Variants in PHF14 observed in about 807,000 individuals in gnomAD.
PHF14 encodes PHD finger protein 14.
A neutral mutation model predicts 117.9 loss-of-function variants in PHF14; 55 were observed. The ratio of observed to expected loss-of-function variants is 0.47; its 90% CI spans 0.38 to 0.58. PHF14 has a LOEUF of 0.58. Among genes scored for constraint, PHF14 ranks in the 20% least tolerant of loss-of-function variants. The pLI is 0.00. For missense variants in PHF14, 978 were observed against 1,122.2 expected (o/e 0.87, Z 1.84); for synonymous variants, 409 against 368.6 (o/e 1.11, Z -1.26).
At chr7:11,158,904 A>G (rs978983517) in intron 17 of PHF14, among the ~76,000 whole-genome samples, 8 of 152,236 alleles carry the variant, frequency 5.3e-5, no homozygotes, top group South Asian at 2.1e-4. Flanking sequence ...AACAGTTTCT[A>G]AATTACCTAA....
intron 4 of PHF14, among the ~76,000 whole-genome samples, chr7:10,994,668 C>T (rs559861684): frequency 2.0e-5 from 3 of 152,120 alleles, no homozygotes; most frequent in Non-Finnish European, 2.9e-5. Flanking sequence ...TGGATCCTCG[C>T]GGTGAGTGTT....
chr7:11,054,069 A>G (rs1054914321), intron 14 of PHF14, among the ~76,000 whole-genome samples: 2 of 151,922 alleles, frequency 1.3e-5, no homozygotes, highest in African/African-American at 2.4e-5. Context: ...ACTTTTATCT[A>G]TTCTTTTTCT....
chr7:11,072,059 A>T (rs532108617), intron 16 of PHF14, among the ~76,000 whole-genome samples: 2 of 152,334 alleles, frequency 1.3e-5, no homozygotes, highest in South Asian at 2.1e-4. Context: ...GCATAGCTGT[A>T]AAGAAATACC....
chr7:11,050,470 C>T (rs541665561), intron 13 of PHF14, among the ~76,000 whole-genome samples: 1 of 152,062 alleles, frequency 6.6e-6, no homozygotes, highest in Non-Finnish European at 1.5e-5. Flanking sequence ...TTATGATTGA[C>T]AATATAAAGA....
intron 16 of PHF14, among the ~76,000 whole-genome samples, chr7:11,110,752 AAG>A (rs1787416797): frequency 6.6e-6 from 1 of 151,890 alleles, no homozygotes; most frequent in Non-Finnish European, 1.5e-5. Flanking sequence ...TTAACATGTA[AAG>A]GTTATTTTTA....
chr7:11,050,005 A>G (rs906673983), intron 13 of PHF14, among the ~76,000 whole-genome samples: 1 of 152,176 alleles, frequency 6.6e-6, no homozygotes, highest in South Asian at 2.1e-4. Flanking sequence ...AGTTTTGCTA[A>G]CCTATTCTTA....
At chr7:11,150,139 G>C (rs1215661703) in intron 17 of PHF14, among the ~76,000 whole-genome samples, 1 of 152,120 alleles carries the variant, frequency 6.6e-6, no homozygotes, top group Admixed American at 6.6e-5. Flanking sequence ...ATGCCAGGGA[G>C]TGATTAATAT....
intron 4 of PHF14, chr7:11,006,726 G>A: frequency 1.5e-6 from 1 of 669,002 alleles, no homozygotes; most frequent in South Asian, 1.4e-5. Flanking sequence ...CAGTGTCTTG[G>A]GCTGCTGGAA....
At chr7:11,131,942 G>C (rs1052033033) in intron 17 of PHF14, among the ~76,000 whole-genome samples, 1 of 151,462 alleles carries the variant, frequency 6.6e-6, no homozygotes, top group African/African-American at 2.4e-5. Flanking sequence ...TGGACTACTG[G>C]AATTTTTTCT....
intron 13 of PHF14, among the ~76,000 whole-genome samples, chr7:11,047,006 A>G (rs1784687410): frequency 6.6e-6 from 1 of 151,706 alleles, no homozygotes; most frequent in South Asian, 2.1e-4. Context: ...GCATTTAAAG[A>G]TTCATAAAAT....
At chr7:11,144,485 T>A (rs890729644) in intron 17 of PHF14, among the ~76,000 whole-genome samples, 2 of 151,300 alleles carry the variant, frequency 1.3e-5, no homozygotes, top group Non-Finnish European at 2.9e-5. Flanking sequence ...ATTGCAGAGA[T>A]ACCTACACCC....
At chr7:11,144,077 C>T (rs1164469468) in intron 17 of PHF14, among the ~76,000 whole-genome samples, 2 of 151,954 alleles carry the variant, frequency 1.3e-5, no homozygotes, top group African/African-American at 4.8e-5. Context: ...GTAGAAATTT[C>T]TCAAAAGTCA....
intron 14 of PHF14, chr7:11,061,370 C>T (rs1190455879): frequency 6.6e-6 from 1 of 152,566 alleles, no homozygotes; most frequent in Admixed American, 6.5e-5. Context: ...TATGCACATG[C>T]ATATATGTAG....
At chr7:11,085,035 C>T (rs138839546) in intron 16 of PHF14, among the ~76,000 whole-genome samples, 1 of 151,776 alleles carries the variant, frequency 6.6e-6, no homozygotes, top group East Asian at 1.9e-4. Flanking sequence ...GTATGTTTTG[C>T]TGAATTGAAA....
At chr7:11,009,392 T>C (rs1444789890) in intron 4 of PHF14, among the ~76,000 whole-genome samples, 1 of 152,170 alleles carries the variant, frequency 6.6e-6, no homozygotes, top group Non-Finnish European at 1.5e-5. Flanking sequence ...TAAATATGAG[T>C]TGTGTACATT....
At position 11,117,504 on chromosome 7, in the gene PHF14, G is replaced by A. The variant is rs1583478896; in HGVS notation, c.2772+6037G>A. ...AAAAATCTTTAAGTAGAGGACATAC[G>A]ATATTTTTAATTTTGGTTTTATTTT... On this transcript the variant is annotated intron_variant, in intron 17 of 17. Coordinates refer to ENST00000634607, the MANE Select transcript of PHF14 (RefSeq NM_001007157.2). 7.5e-5 allele frequency among the ~76,000 whole-genome samples: 11 copies of A among 147,146 alleles called. No homozygotes were observed. In the South Asian group the frequency reaches 2.4e-3, roughly 32 times the overall value.
At chr7:11,159,720 C>G (rs1562490283) in intron 17 of PHF14, among the ~76,000 whole-genome samples, 1 of 152,032 alleles carries the variant, frequency 6.6e-6, no homozygotes, top group Non-Finnish European at 1.5e-5. Context: ...TTATTTCTTT[C>G]AACTGCATGT....
rs554613113 is a variant in PHF14 at position 11,075,530 on chromosome 7, C to A, written c.2654+13445C>A. 5.6e-4 allele frequency among the ~76,000 whole-genome samples: 80 copies of A among 142,114 alleles called. 1 individual carries two copies. In the East Asian group the frequency reaches 0.013, roughly 23 times the overall value. 93.2% of individuals were successfully genotyped at this position (142,114 alleles called of 152,430 possible). On this transcript the variant is annotated intron_variant, in intron 16 of 17. Transcript: ENST00000634607. ...CTTAACTAGCTTTTGTGTGAATTAA[C>A]AAGAACTCACTCATTCCCATGGGAA...
chr7:11,044,141 C>T (rs1784587624), intron 13 of PHF14, among the ~76,000 whole-genome samples: 1 of 151,986 alleles, frequency 6.6e-6, no homozygotes, highest in Non-Finnish European at 1.5e-5. Flanking sequence ...ACTGGATAGT[C>T]ATGGACATAA....
Sources: gnomAD v4.1 joint callset for allele counts (sites outside exome capture counted in the v4.1 genomes callset) on GRCh38, gnomAD v4.1.1 for gene constraint, MANE v1.5 for transcripts, NCBI Gene and HGNC (gene_info 2026-07-23, HGNC 2026-07-21) for gene names.